The following SNX29 variants were observed in gnomAD, a reference collection of about 807,000 sequenced individuals.
SNX29 encodes the protein sorting nexin 29.
SNX29 carries 78 observed loss-of-function variants against 102.1 expected under a neutral mutation model. That is an observed-to-expected ratio of 0.76 (90% CI 0.64 to 0.92). The LOEUF is 0.92. Ranked by LOEUF, SNX29 falls within the 40% of genes least tolerant of loss-of-function variation. The pLI, the probability that SNX29 is intolerant of heterozygous loss-of-function variation, is 0.00. For synonymous variants in SNX29, 580 were observed against 414.5 expected, an observed-to-expected ratio of 1.40 and a Z score of -4.85; for missense variants, 1,280 against 1,061.7, an observed-to-expected ratio of 1.21 and a Z score of -2.86.
chr16:12,366,598 C>T (rs2082491037), intron 16 of SNX29, among the ~76,000 whole-genome samples: 1 of 152,188 alleles, frequency 6.6e-6, no homozygotes, highest in African/African-American at 2.4e-5. Context: ...ACCCACTCAC[C>T]AGCCTGGTCA....
chr16:12,376,691 C>G (rs767672702), intron 16 of SNX29, among the ~76,000 whole-genome samples: 4 of 140,260 alleles, frequency 2.9e-5, no homozygotes, highest in African/African-American at 1.1e-4. Context: ...GAGCCGAGAT[C>G]GCACCACTGC....
intron 1 of SNX29, among the ~76,000 whole-genome samples, chr16:11,992,992 T>C (rs969347930): frequency 1.3e-5 from 2 of 151,652 alleles, no homozygotes; most frequent in African/African-American, 4.9e-5. Context: ...CGAAACCCCA[T>C]CTCTACTAAA....
intron 20 of SNX29, among the ~76,000 whole-genome samples, chr16:12,549,760 G>T (rs2077848758): frequency 6.6e-6 from 1 of 152,234 alleles, no homozygotes; most frequent in Non-Finnish European, 1.5e-5. Context: ...GAGACCTGTT[G>T]GTGATTAGCA....
chr16:12,344,312 T>TGG (rs1423997144), intron 15 of SNX29, among the ~76,000 whole-genome samples: 2 of 152,142 alleles, frequency 1.3e-5, no homozygotes, highest in African/African-American at 4.8e-5. Context: ...TCCAGCATGG[T>TGG]GGTGTGAGAA....
chr16:12,548,256 C>A (rs754737265), intron 20 of SNX29, among the ~76,000 whole-genome samples: 69 of 152,204 alleles, frequency 4.5e-4, no homozygotes, highest in Admixed American at 1.8e-3. Flanking sequence ...TTCCTTCTGG[C>A]TCACCAGATG....
At chr16:11,984,109 T>G (rs538391421) in intron 1 of SNX29, among the ~76,000 whole-genome samples, 7 of 152,094 alleles carry the variant, frequency 4.6e-5, no homozygotes, top group Non-Finnish European at 8.8e-5. Flanking sequence ...TTCCAGCACT[T>G]TAGGAGGCTA....
At chr16:12,261,136 T>TG (rs1188635738) in intron 14 of SNX29, among the ~76,000 whole-genome samples, 1 of 146,872 alleles carries the variant, frequency 6.8e-6, no homozygotes, top group Admixed American at 6.8e-5. Context: ...AGTGAGTGGT[T>TG]CCTGAGCTCC....
At chr16:12,561,253 C>G (rs557721050) in intron 20 of SNX29, 2 of 230,124 alleles carry the variant, frequency 8.7e-6, no homozygotes, top group Non-Finnish European at 8.6e-6. Context: ...CTCCCTCCCA[C>G]TCCACAGATC....
chr16:12,404,241 C>T (rs186558695), intron 18 of SNX29, among the ~76,000 whole-genome samples: 10 of 152,148 alleles, frequency 6.6e-5, no homozygotes, highest in African/African-American at 1.4e-4. Context: ...CCTTGGGGTA[C>T]GGATAGCCGC....
chr16:12,397,420 A>G (rs2083760804), intron 16 of SNX29, among the ~76,000 whole-genome samples: 1 of 152,112 alleles, frequency 6.6e-6, no homozygotes, highest in Admixed American at 6.5e-5. Flanking sequence ...CGGTTTCCTC[A>G]TCTGTAAAGT....
At chr16:12,562,618 T>C (rs1454801185) in intron 20 of SNX29, among the ~76,000 whole-genome samples, 1 of 152,228 alleles carries the variant, frequency 6.6e-6, no homozygotes, top group Non-Finnish European at 1.5e-5. Context: ...TCTTGAGAGC[T>C]ACAGGCTATC....
chr16:12,307,588 A>G (rs1596842555), intron 15 of SNX29, among the ~76,000 whole-genome samples: 2 of 152,336 alleles, frequency 1.3e-5, no homozygotes, highest in African/African-American at 4.8e-5. Context: ...TGCCTGCTTA[A>G]TGCCTAGGCC....
rs945737707 is a variant in SNX29 at position 12,027,558 on chromosome 16, G to C, written c.247+114G>C. 6.6e-5 allele frequency: 84 copies of C among 1,280,682 alleles called. No individual in the cohort carries two copies. The Middle Eastern group carries it at 8.4e-4, about 13-fold the overall frequency. The allele number at this position is 1,280,682 out of a possible 1,614,324, so 79.3% of individuals were successfully genotyped here. ...GTGATCGCGTGGGACTTGGTGGGGT[G>C]GTGTATGGGCACAGAAATCCATGTC... On this transcript the variant is annotated intron_variant, in intron 4 of 20. Transcript: ENST00000566228.
chr16:12,493,881 C>T (rs1033575697), intron 19 of SNX29, among the ~76,000 whole-genome samples: 8 of 152,178 alleles, frequency 5.3e-5, no homozygotes, highest in South Asian at 2.1e-4. Context: ...CGTGAGCCAC[C>T]GCACCCAGCC....
chr16:12,326,128 C>T (rs919887316), intron 15 of SNX29, among the ~76,000 whole-genome samples: 1 of 151,824 alleles, frequency 6.6e-6, no homozygotes, highest in African/African-American at 2.4e-5. Flanking sequence ...CGGGTTCAAG[C>T]GATTCTCGTG....
intron 11 of SNX29, among the ~76,000 whole-genome samples, chr16:12,111,589 C>T (rs1236231586): frequency 6.6e-6 from 1 of 152,184 alleles, no homozygotes; most frequent in African/African-American, 2.4e-5. Context: ...TGCCTGCTTC[C>T]AGCCTCCAAG....
At chr16:12,547,384 G>A (rs938245781) in intron 20 of SNX29, among the ~76,000 whole-genome samples, 1 of 152,198 alleles carries the variant, frequency 6.6e-6, no homozygotes, top group Non-Finnish European at 1.5e-5. Flanking sequence ...GTAGAGCTTT[G>A]TTATGGGTGA....
chr16:12,020,786 G>C (rs1037826638), intron 3 of SNX29, among the ~76,000 whole-genome samples: 3 of 151,856 alleles, frequency 2.0e-5, no homozygotes, highest in Non-Finnish European at 4.4e-5. Flanking sequence ...ACCATGCTCA[G>C]CTAATTTTTG....
chr16:12,558,641 C>A (rs1240362358), intron 20 of SNX29, among the ~76,000 whole-genome samples: 4 of 152,212 alleles, frequency 2.6e-5, no homozygotes, highest in South Asian at 2.1e-4. Flanking sequence ...TAAAAGAAAC[C>A]TATTCTCCAT....
Sources: allele counts gnomAD v4.1 joint callset (sites outside exome capture counted in the v4.1 genomes callset), GRCh38; gene constraint gnomAD v4.1.1; transcripts MANE v1.5; gene names NCBI Gene and HGNC (gene_info 2026-07-23, HGNC 2026-07-21).